Variants in WFDC1 observed in about 807,000 individuals in gnomAD.
WFDC1 encodes the protein WAP four-disulfide core domain 1.
WFDC1 carries 39 observed loss-of-function variants against 32.9 expected under a neutral mutation model. The ratio of observed to expected loss-of-function variants is 1.19; its 90% CI spans 0.92 to 1.55. WFDC1 has a LOEUF of 1.55. WFDC1 is among the 40% of genes most tolerant of loss of function. The probability of loss-of-function intolerance (pLI) is 0.00; values close to 1 mark genes in which losing one functional copy is unlikely to be tolerated. For missense variants in WFDC1, 386 were observed against 309.5 expected (o/e 1.25, Z -1.85); for synonymous variants, 184 against 137.4 (o/e 1.34, Z -2.37).
rs752912135 is a variant in WFDC1 at position 84,319,559 on chromosome 16, C to T, written c.550C>T (p.Arg184Cys). Residue 184 changes from arginine to cysteine, a missense_variant, in exon 4 of 7, where the codon CGC becomes TGC. Transcript: ENST00000219454. ...IPNRGQCVKQ[R>C]RQADGRILRH... ...CAACCGTGGGCAGTGCGTCAAGCAGCGCCGGCAAGCAGGTGAGTGTGGCAC... is the reference window on the plus strand; with the variant it reads ...CAACCGTGGGCAGTGCGTCAAGCAGTGCCGGCAAGCAGGTGAGTGTGGCAC... 3.7e-5 allele frequency: 60 copies of T among 1,612,364 alleles called. No individual in the cohort carries two copies. In the East Asian group the frequency reaches 4.7e-4, roughly 13 times the overall value.
intron 5 of WFDC1, among the ~76,000 whole-genome samples, chr16:84,325,186 C>T (rs1908519344): frequency 6.8e-6 from 1 of 146,740 alleles, no homozygotes; most frequent in Non-Finnish European, 1.5e-5. Context: ...TTTCACTTAT[C>T]CATCTATCCA....
chr16:84,305,799 C>G (rs898188815), intron 1 of WFDC1, among the ~76,000 whole-genome samples: 4 of 151,538 alleles, frequency 2.6e-5, no homozygotes, highest in African/African-American at 9.7e-5. Flanking sequence ...CTCAGGAGTT[C>G]AAGACCATCC....
intron 1 of WFDC1, 152 bp downstream of exon 1, chr16:84,295,267 G>A: frequency 9.8e-7 from 1 of 1,015,286 alleles, no homozygotes; most frequent in Non-Finnish European, 1.4e-6. Flanking sequence ...TCTGAGTTGT[G>A]TGGTGGGCAG....
intron 1 of WFDC1, among the ~76,000 whole-genome samples, chr16:84,311,201 T>G (rs567738244): frequency 3.4e-4 from 52 of 152,078 alleles, no homozygotes; most frequent in African/African-American, 1.2e-3. Flanking sequence ...AATATTGATC[T>G]TATTGGTCAC....
chr16:84,315,104 G>A (rs559691255), intron 2 of WFDC1, among the ~76,000 whole-genome samples: 1 of 152,352 alleles, frequency 6.6e-6, no homozygotes, highest in South Asian at 2.1e-4. Flanking sequence ...CTTAGGCCGT[G>A]AGTGTGGGAA....
At chr16:84,312,574 A>T (rs1371193208) in intron 1 of WFDC1, among the ~76,000 whole-genome samples, 1 of 152,206 alleles carries the variant, frequency 6.6e-6, no homozygotes, top group Admixed American at 6.5e-5. Flanking sequence ...ATATGTACAT[A>T]TAGACATATG....
At chr16:84,308,386 C>T (rs748866695) in intron 1 of WFDC1, among the ~76,000 whole-genome samples, 9 of 152,210 alleles carry the variant, frequency 5.9e-5, no homozygotes, top group African/African-American at 1.2e-4. Flanking sequence ...GGACTGCGCT[C>T]GGTCCCAGCC....
chr16:84,319,450 G>T lies in WFDC1; in HGVS notation c.441G>T (p.Thr147=). The change falls in exon 4 of 7, where the codon ACG becomes ACT. Residue 147 remains threonine, a synonymous_variant. Transcript: ENST00000219454. The stretch of plus-strand genomic sequence containing the variant: ...CTGCAGCAGAGGCGTGCAGCACCAC[G>T]GAGGATGGGGCCGAACCCCTGCTCT... The part of the protein sequence containing the change: ...EVLQAEACST[T]EDGAEPLLCP... 1 of 1,611,146 alleles carries T rather than the reference G, an allele frequency of 6.2e-7. No individual in the cohort carries two copies. The highest frequency in any genetic ancestry group is 8.5e-7 in the Non-Finnish European group (1 of 1,179,904).
chr16:84,319,784 C>G (rs138945911), intron 4 of WFDC1, among the ~76,000 whole-genome samples: 156 of 152,282 alleles, frequency 1.0e-3, no homozygotes, highest in African/African-American at 3.4e-3. Flanking sequence ...AGCTCTTGAG[C>G]CAGCAGACTG....
chr16:84,301,880 G>T (rs558387876), intron 1 of WFDC1, among the ~76,000 whole-genome samples: 102 of 152,300 alleles, frequency 6.7e-4, no homozygotes, highest in African/African-American at 2.3e-3. Flanking sequence ...AACGAGTAAA[G>T]AAGCATCCCA....
chr16:84,306,777 C>CATCATT (rs962101266), intron 1 of WFDC1, among the ~76,000 whole-genome samples: 2 of 152,082 alleles, frequency 1.3e-5, no homozygotes, highest in African/African-American at 4.8e-5. Context: ...TCTTCATCAT[C>CATCATT]ATCATCATCA....
intron 2 of WFDC1, among the ~76,000 whole-genome samples, chr16:84,314,700 C>T (rs1907848921): frequency 6.6e-6 from 1 of 152,224 alleles, no homozygotes; most frequent in Non-Finnish European, 1.5e-5. Flanking sequence ...GCCGCTGCTC[C>T]AGGCCAGGCA....
intron 4 of WFDC1, among the ~76,000 whole-genome samples, chr16:84,324,050 G>A (rs1039705896): frequency 1.3e-5 from 2 of 152,178 alleles, no homozygotes; most frequent in Non-Finnish European, 2.9e-5. Flanking sequence ...AACCCAGGAG[G>A]CAGAGGTTAC....
chr16:84,320,786 A>G (rs1230248772), intron 4 of WFDC1, among the ~76,000 whole-genome samples: 2 of 152,142 alleles, frequency 1.3e-5, no homozygotes, highest in African/African-American at 2.4e-5. Context: ...TAAGGACAGG[A>G]CCCTCAGACA....
At chr16:84,317,074 C>G (rs71404157) in intron 2 of WFDC1, 8,740 of 151,912 alleles carry the variant, frequency 0.058, 372 homozygotes, top group Non-Finnish European at 0.083. Context: ...GGGTGGATCA[C>G]TTGAGGCCAG....
intron 1 of WFDC1, among the ~76,000 whole-genome samples, chr16:84,306,388 G>T (rs890426690): frequency 6.6e-6 from 1 of 152,184 alleles, no homozygotes; most frequent in African/African-American, 2.4e-5. Context: ...CTGTGAAAAA[G>T]AGTTAGGAAG....
chr16:84,309,612 C>G (rs1030426429), intron 1 of WFDC1, among the ~76,000 whole-genome samples: 1 of 152,010 alleles, frequency 6.6e-6, no homozygotes, highest in African/African-American at 2.4e-5. Context: ...GTTAAGCCAA[C>G]AGAAATGAAT....
intron 1 of WFDC1, among the ~76,000 whole-genome samples, chr16:84,299,492 C>T (rs1906807802): frequency 1.3e-5 from 2 of 152,108 alleles, no homozygotes; most frequent in East Asian, 3.9e-4. Flanking sequence ...CCATGGAGCT[C>T]AGTCGGTTCT....
chr16:84,311,515 A>G (rs1455933426), intron 1 of WFDC1, among the ~76,000 whole-genome samples: 15 of 138,476 alleles, frequency 1.1e-4, no homozygotes, highest in Middle Eastern at 7.9e-3. Context: ...GGTGTGAGCC[A>G]CTGCGCCTGG....
Sources: allele counts gnomAD v4.1 joint callset (sites outside exome capture counted in the v4.1 genomes callset), GRCh38; gene constraint gnomAD v4.1.1; transcripts MANE v1.5; gene names NCBI Gene and HGNC (gene_info 2026-07-23, HGNC 2026-07-21).